Variants in WDR72 observed in about 807,000 individuals in gnomAD.
The protein encoded by WDR72 is WD repeat domain 72, also known as WD repeat-containing protein 72.
In WDR72, 120 loss-of-function variants were observed where a neutral mutation model predicts 124.2. The observed-to-expected ratio is 0.97, with a 90% CI of 0.83 to 1.12. The LOEUF is 1.12. WDR72 is among the 50% of genes most tolerant of loss of function. WDR72 has a pLI of 0.00. For missense variants in WDR72, 1,387 were observed against 1,278.8 expected (o/e 1.08, Z -1.29); for synonymous variants, 452 against 441.7 (o/e 1.02, Z -0.29).
upstream of WDR72, among the ~76,000 whole-genome samples, chr15:53,761,661 C>G (rs1206621739): frequency 6.6e-6 from 1 of 151,894 alleles, no homozygotes; most frequent in Non-Finnish European, 1.5e-5. Flanking sequence ...CCCCCATCTC[C>G]ACAAAAAATA....
chr15:53,728,075 A>G (rs183981295), intron 2 of WDR72, among the ~76,000 whole-genome samples: 76 of 152,356 alleles, frequency 5.0e-4, no homozygotes, highest in Non-Finnish European at 5.3e-4. Context: ...CACCGCTGAT[A>G]AAGACATAAC....
At chr15:53,659,656 C>CT (rs2015544090) in intron 14 of WDR72, among the ~76,000 whole-genome samples, 1 of 151,104 alleles carries the variant, frequency 6.6e-6, no homozygotes, top group African/African-American at 2.4e-5. Flanking sequence ...AAAGTTTAAA[C>CT]TCATGCCACA....
At chr15:53,739,577 T>C (rs942058559) in intron 1 of WDR72, among the ~76,000 whole-genome samples, 4 of 152,116 alleles carry the variant, frequency 2.6e-5, no homozygotes, top group African/African-American at 9.7e-5. Flanking sequence ...CTCTCATGAA[T>C]ACCAGATAAA....
At chr15:53,531,215 T>A (rs10518726) in intron 18 of WDR72, among the ~76,000 whole-genome samples, 1 of 151,916 alleles carries the variant, frequency 6.6e-6, no homozygotes, top group Non-Finnish European at 1.5e-5. Flanking sequence ...CAAAGTGGTA[T>A]GTTAGCTACT....
intron 18 of WDR72, among the ~76,000 whole-genome samples, chr15:53,538,269 T>C (rs918008803): frequency 1.3e-5 from 2 of 152,188 alleles, no homozygotes; most frequent in Non-Finnish European, 2.9e-5. Flanking sequence ...CATAACATTT[T>C]AAATGAGCAA....
In WDR72 at chr15:53,657,081, A is replaced by G. The variant is rs183433075; in HGVS notation, c.1962+8491T>C. Among the ~76,000 whole-genome samples the G allele has an allele frequency of 6.5e-3, 993 of 151,916 alleles. 5 individuals carry two copies. The highest frequency in any genetic ancestry group is 9.1e-3 in the Non-Finnish European group (617 of 67,898). ...AGATCGAGACCATCCTGGCTAACAC[A>G]GTGAAACCCCGTCTCTACTAAAAAT... On this transcript the variant is annotated intron_variant, in intron 14 of 19. Transcript: ENST00000360509.
intron 13 of WDR72, among the ~76,000 whole-genome samples, chr15:53,669,419 ATC>A (rs1260639634): frequency 1.3e-5 from 2 of 152,154 alleles, no homozygotes; most frequent in Non-Finnish European, 2.9e-5. Context: ...TGGTCAAGCT[ATC>A]TCAAGTTCTA....
intron 13 of WDR72, among the ~76,000 whole-genome samples, chr15:53,678,754 C>T (rs146087047): frequency 9.2e-5 from 14 of 152,310 alleles, no homozygotes; most frequent in African/African-American, 3.4e-4. Flanking sequence ...CTATCCCCCA[C>T]CTCTCATAAT....
chr15:53,639,539 T>TAATTTTATTTATTTATAAAATTATAC (rs1566998281), intron 14 of WDR72, among the ~76,000 whole-genome samples: 23 of 142,740 alleles, frequency 1.6e-4, no homozygotes, highest in African/African-American at 5.7e-4. Context: ...TAAAATTATA[T>TAATTTTATTTATTTATAAAATTATAC]ATAATTTTAT....
At chr15:53,553,604 A>G (rs1251014368) in intron 18 of WDR72, among the ~76,000 whole-genome samples, 1 of 152,150 alleles carries the variant, frequency 6.6e-6, no homozygotes, top group African/African-American at 2.4e-5. Context: ...TTATTTTAGC[A>G]CTGGCAAAGA....
At chr15:53,728,712 A>C (rs912337450) in intron 2 of WDR72, among the ~76,000 whole-genome samples, 3 of 152,234 alleles carry the variant, frequency 2.0e-5, no homozygotes, top group African/African-American at 7.2e-5. Flanking sequence ...TGCTTTTAAG[A>C]AAACAAGCAA....
chr15:53,710,036 G>A (rs1381601516), intron 9 of WDR72, among the ~76,000 whole-genome samples: 2 of 152,148 alleles, frequency 1.3e-5, no homozygotes, highest in Non-Finnish European at 2.9e-5. Context: ...ACTACTGAAA[G>A]AAAACAACTG....
intron 4 of WDR72, 91 bp downstream of exon 4, chr15:53,716,516 C>T (rs1393722892): frequency 3.4e-6 from 3 of 883,274 alleles, no homozygotes; most frequent in Non-Finnish European, 5.8e-6. Flanking sequence ...AAAGAATATT[C>T]TCCAAAGATG....
chr15:53,561,853 G>A (rs1894134560), intron 18 of WDR72, among the ~76,000 whole-genome samples: 2 of 151,856 alleles, frequency 1.3e-5, no homozygotes, highest in East Asian at 3.9e-4. Context: ...AAGCTCCCCA[G>A]GTAATTCAAG....
chr15:53,577,801 G>C (rs1425260900), intron 18 of WDR72, among the ~76,000 whole-genome samples: 1 of 152,020 alleles, frequency 6.6e-6, no homozygotes, highest in Non-Finnish European at 1.5e-5. Context: ...AGTTAACATT[G>C]GCTTTAGGTT....
rs370362043 is a variant in WDR72 at position 53,541,301 on chromosome 15, C to T, written c.3149-17979G>A. On this transcript the variant is annotated intron_variant, in intron 18 of 19. Transcript: ENST00000360509. ...CAGTACGCAGCTGGAGATCTGAGAACGGGCAGACTGCCTCCTCAAGTGGGT... is the reference window on the plus strand; with the variant it reads ...CAGTACGCAGCTGGAGATCTGAGAATGGGCAGACTGCCTCCTCAAGTGGGT... 6.6e-5 allele frequency among the ~76,000 whole-genome samples: 10 copies of T among 152,266 alleles called. No homozygotes were observed. The East Asian group carries it at 9.7e-4, about 15-fold the overall frequency.
At chr15:53,701,837 G>C (rs2017190046) in intron 12 of WDR72, among the ~76,000 whole-genome samples, 1 of 151,888 alleles carries the variant, frequency 6.6e-6, no homozygotes, top group Non-Finnish European at 1.5e-5. Flanking sequence ...TAGAATGAGA[G>C]GAAAAAAATA....
At chr15:53,672,141 T>G (rs1015721066) in intron 13 of WDR72, among the ~76,000 whole-genome samples, 2 of 152,180 alleles carry the variant, frequency 1.3e-5, no homozygotes, top group East Asian at 1.9e-4. Context: ...CTTCTACTGC[T>G]TCCTACCTAA....
At chr15:53,612,343 A>G (rs1230461215) in intron 16 of WDR72, among the ~76,000 whole-genome samples, 1 of 152,136 alleles carries the variant, frequency 6.6e-6, no homozygotes, top group African/African-American at 2.4e-5. Flanking sequence ...TTAAAGTAAC[A>G]GATGTCAGAT....
Sources: gnomAD v4.1 joint callset for allele counts (sites outside exome capture counted in the v4.1 genomes callset) on GRCh38, gnomAD v4.1.1 for gene constraint, MANE v1.5 for transcripts, NCBI Gene and HGNC (gene_info 2026-07-23, HGNC 2026-07-21) for gene names.